IQSEC1: variants seen among roughly 807,000 people sequenced by gnomAD.
The protein encoded by IQSEC1 is IQ motif and Sec7 domain ArfGEF 1, also known as IQ motif and SEC7 domain-containing protein 1.
A neutral mutation model predicts 91.0 loss-of-function variants in IQSEC1; 31 were observed. The ratio of observed to expected loss-of-function variants is 0.34; its 90% CI spans 0.26 to 0.46. The LOEUF is 0.46. Among genes scored for constraint, IQSEC1 ranks in the 20% least tolerant of loss-of-function variants. IQSEC1 has a pLI of 1.00. For synonymous variants in IQSEC1, 699 were observed against 662.6 expected (o/e 1.05, Z -0.84); for missense variants, 1,388 against 1,575.6 (o/e 0.88, Z 2.02).
chr3:12,931,464 G>A (rs1230108158), intron 3 of IQSEC1, among the ~76,000 whole-genome samples: 2 of 152,236 alleles, frequency 1.3e-5, no homozygotes, highest in Non-Finnish European at 2.9e-5. Context: ...TGGCTGTGGC[G>A]AATCAGTGAG....
At position 12,908,025 on chromosome 3, in the gene IQSEC1, G is replaced by C. The variant is rs552267236; in HGVS notation, c.2755+324C>G. Among the ~76,000 whole-genome samples the C allele has an allele frequency of 5.2e-4, 79 of 152,328 alleles. No individual in the cohort carries two copies. The highest frequency in any genetic ancestry group is 8.8e-4 in the Non-Finnish European group (60 of 68,032). The stretch of plus-strand genomic sequence containing the variant: ...CAGAGAGCACGGGACACAGCCGCCG[G>C]CTCACTCGGGCTAGAGCGACTTCCC... On this transcript the variant is annotated intron_variant, in intron 12 of 13. Coordinates refer to ENST00000613206, the MANE Select transcript of IQSEC1 (RefSeq NM_001134382.3). The surrounding 1 kb of genome is among the most constrained non-coding windows in gnomAD (Gnocchi z 4.9).
At chr3:13,260,497 C>A (rs571015961) in intron 1 of IQSEC1, among the ~76,000 whole-genome samples, 1 of 152,324 alleles carries the variant, frequency 6.6e-6, no homozygotes, top group African/African-American at 2.4e-5. Flanking sequence ...CACTGAGTGA[C>A]AATTTTTGAT....
chr3:13,248,315 A>G (rs1168388581), intron 1 of IQSEC1, among the ~76,000 whole-genome samples: 1 of 152,222 alleles, frequency 6.6e-6, no homozygotes, highest in African/African-American at 2.4e-5. Flanking sequence ...TCAACAAAGA[A>G]GGAATCTCTC....
rs1702289170 is a variant in IQSEC1, at chr3:12,998,144, G to A, written c.24-56279C>T. On this transcript the variant is annotated intron_variant, in intron 1 of 13. Transcript: ENST00000613206. ...GCAGGTGGATCACTTGAGGCTAGGAGTTCAAGATCAGCCTAGGCAACATGG... is the reference window on the plus strand; with the variant it reads ...GCAGGTGGATCACTTGAGGCTAGGAATTCAAGATCAGCCTAGGCAACATGG... 2.6e-5 allele frequency among the ~76,000 whole-genome samples: 4 copies of A among 152,298 alleles called. No homozygotes were observed. In the South Asian group the frequency reaches 8.3e-4, roughly 32 times the overall value.
In IQSEC1 at chr3:13,249,394, G is replaced by A. The variant is rs138228587; in HGVS notation, c.272+33317C>T. On this transcript the variant is annotated intron_variant, in intron 1 of 15. Transcript: ENST00000648114. Reference sequence around the variant, plus strand: ...TCACCGTGTTAGCCAGGATGGTCTCGATCTCCTGACCTCGTGATCTACCTG... The same window carrying A: ...TCACCGTGTTAGCCAGGATGGTCTCAATCTCCTGACCTCGTGATCTACCTG... 2.5e-3 allele frequency among the ~76,000 whole-genome samples: 385 copies of A among 151,932 alleles called. 3 individuals are homozygous for A. The highest frequency in any genetic ancestry group is 8.8e-3 in the African/African-American group (365 of 41,434).
Position 12,924,329 on chromosome 3 carries a change from C to T in IQSEC1, c.1730+252G>A, listed in dbSNP as rs1272553351. Reference sequence around the variant, plus strand: ...GAAGGGAGGGGCCAAGGGTGCATGCCAGAGGGTGGGCGGACAGGCAGTGGG... The same window carrying T: ...GAAGGGAGGGGCCAAGGGTGCATGCTAGAGGGTGGGCGGACAGGCAGTGGG... On this transcript the variant is annotated intron_variant, in intron 4 of 13. Transcript: ENST00000613206. The surrounding 1 kb of genome is among the most constrained non-coding windows in gnomAD (Gnocchi z 6.3). 6.6e-6 allele frequency among the ~76,000 whole-genome samples: 1 copy of T among 152,070 alleles called. No homozygotes were observed. Among genetic ancestry groups the T allele is most frequent in the Non-Finnish European group, 1.5e-5 (1 of 67,990 alleles).
intron 1 of IQSEC1, among the ~76,000 whole-genome samples, chr3:13,036,979 T>C (rs1456659875): frequency 6.6e-6 from 1 of 152,170 alleles, no homozygotes; most frequent in Non-Finnish European, 1.5e-5. Flanking sequence ...AGCCTCTTAC[T>C]GTGGAGGGCC....
intron 2 of IQSEC1, among the ~76,000 whole-genome samples, chr3:13,098,985 A>T (rs915785063): frequency 6.6e-6 from 1 of 152,260 alleles, no homozygotes; most frequent in African/African-American, 2.4e-5. Flanking sequence ...TAACTTTGTC[A>T]TATGTCAGGT....
At chr3:12,984,853 C>T (rs977451193) in intron 1 of IQSEC1, among the ~76,000 whole-genome samples, 2 of 106,600 alleles carry the variant, frequency 1.9e-5, no homozygotes, top group Admixed American at 2.8e-4. Context: ...GAGACGGAGT[C>T]TCACTCTTTC....
Position 12,936,532 on chromosome 3 carries a change from T to C in IQSEC1, c.484A>G (p.Arg162Gly), listed in dbSNP as rs1559645599. Residue 162 changes from arginine (R) to glycine (G), a missense_variant, in exon 3 of 14, where the codon AGG (arginine) becomes GGG (glycine). Transcript: ENST00000613206. ...MSRRIVLSNM[R>G]MQFSFEGPEK... ...GGCCCCTCAAAGGAGAACTGCATCC[T>C]CATGTTGGACAGCACAATCCGGCGT... 6.2e-7 allele frequency: 1 copy of C among 1,613,424 alleles called. No individual in the cohort carries two copies.
rs1694070216 is a variant in IQSEC1, at chr3:12,900,001, G to A, written c.*982C>T. On this transcript the variant is annotated 3_prime_UTR_variant, in exon 14 of 14. Transcript: ENST00000613206. ...ATCATGGAGAGTCACAGTTATCGCAGCCATTAAAGTGTCTAAGAATCCGTG... is the reference window on the plus strand; with the variant it reads ...ATCATGGAGAGTCACAGTTATCGCAACCATTAAAGTGTCTAAGAATCCGTG... 2.0e-6 allele frequency: 2 copies of A among 985,246 alleles called. No individual in the cohort carries two copies. The highest frequency in any genetic ancestry group is 3.5e-5 in the African/African-American group (2 of 57,222). The allele number at this position is 985,246 out of a possible 1,614,324, so 61.0% of individuals were successfully genotyped here.
chr3:12,938,011 C>G (rs569141464), intron 2 of IQSEC1, among the ~76,000 whole-genome samples: 1 of 152,312 alleles, frequency 6.6e-6, no homozygotes, highest in South Asian at 2.1e-4. Context: ...TCCTGAGGCA[C>G]CCGTGACCAA....
chr3:13,242,601 G>A (rs1695038301), intron 1 of IQSEC1, among the ~76,000 whole-genome samples: 1 of 152,190 alleles, frequency 6.6e-6, no homozygotes. Flanking sequence ...AGGGGGAGGC[G>A]GGGCTGGTCC....
In IQSEC1 at chr3:12,935,669, C is replaced by G. The variant is rs551486504; in HGVS notation, c.1347G>C (p.Ser449=). ...TGTCATTGTCACCGTCTGAGTAGTC[C>G]GACTCAGACTTGCTCTGCCGGTTGG... ...GSANRQSKSE[S]DYSDGDNDSI... Residue 449 remains serine (S), a synonymous_variant, in exon 3 of 14, where the codon TCG becomes TCC. Coordinates refer to ENST00000613206, the MANE Select transcript of IQSEC1 (RefSeq NM_001134382.3). This position sits in a 1 kb window ranked among gnomAD's most constrained non-coding sequence, Gnocchi z 8.0. 1 of 1,613,910 alleles carries G rather than the reference C, an allele frequency of 6.2e-7. No individual in the cohort carries two copies. Among genetic ancestry groups the G allele is most frequent in the East Asian group, 2.2e-5 (1 of 44,872 alleles).
chr3:13,121,510 T>C (rs1188445413), intron 2 of IQSEC1, among the ~76,000 whole-genome samples: 2 of 152,078 alleles, frequency 1.3e-5, no homozygotes, highest in Non-Finnish European at 1.5e-5. Context: ...GGCATGGAGT[T>C]TGAGCATCAC....
chr3:13,277,137 A>AAAAAAAAAAAAAAAAAAC (rs60347391), intron 1 of IQSEC1, among the ~76,000 whole-genome samples: 2 of 118,328 alleles, frequency 1.7e-5, no homozygotes, highest in African/African-American at 7.3e-5. Flanking sequence ...AAAAAAAAAA[A>AAAAAAAAAAAAAAAAAAC]CAGAAAACAA....
At chr3:12,911,571 A>G (rs1037949045) in intron 10 of IQSEC1, 58 bp downstream of exon 10, 2 of 1,309,880 alleles carry the variant, frequency 1.5e-6, no homozygotes, top group African/African-American at 2.9e-5. Context: ...AGCAGCCAGG[A>G]GAAAGAGCGT....
chr3:13,198,763 C>G (rs1324200244), intron 1 of IQSEC1, among the ~76,000 whole-genome samples: 1 of 152,206 alleles, frequency 6.6e-6, no homozygotes, highest in African/African-American at 2.4e-5. Context: ...AAGCCTCCAC[C>G]CAAAGCACCC....
chr3:13,249,319 C>T lies in IQSEC1; in HGVS notation c.272+33392G>A, dbSNP rs186706401. 2.2e-3 allele frequency among the ~76,000 whole-genome samples: 340 copies of T among 151,912 alleles called. 8 individuals are homozygous for T. The highest frequency in any genetic ancestry group is 0.022 in the Admixed American group (336 of 15,262). ...CCTGAGTAGCTGGGACTACAGGCAC[C>T]CGCCAGCACGCCCGGCTAATTTTTT... On this transcript the variant is annotated intron_variant, in intron 1 of 15. Transcript: ENST00000648114.
Sources: gnomAD v4.1 joint callset for allele counts (sites outside exome capture counted in the v4.1 genomes callset) on GRCh38, gnomAD v4.1.1 for gene constraint, Gnocchi (gnomAD v3.1) non-coding constraint, MANE v1.5 for transcripts, NCBI Gene and HGNC (gene_info 2026-07-23, HGNC 2026-07-21) for gene names.